Variants in SLC37A3 observed in about 807,000 individuals in gnomAD.
The protein encoded by SLC37A3 is sugar phosphate exchanger 3.
Under a neutral mutation model 67.1 loss-of-function variants are expected in SLC37A3, and 51 were observed. The observed-to-expected ratio is 0.76, with a 90% confidence interval of 0.61 to 0.96. The LOEUF (loss-of-function observed/expected upper bound fraction) is 0.96, where lower values mean the gene tolerates loss of function less well. SLC37A3 is among the 40% of genes least tolerant of loss of function. SLC37A3 has a pLI of 0.00. For synonymous variants in SLC37A3, 214 were observed against 231.4 expected, an observed-to-expected ratio of 0.92 and a Z score of 0.68; for missense variants, 508 against 603.0, an observed-to-expected ratio of 0.84 and a Z score of 1.65.
At chr7:140,335,531 T>G (rs781536766) in intron 14 of SLC37A3, 27 bp from the exon 15 acceptor site, 3 of 1,606,614 alleles carry the variant, frequency 1.9e-6, no homozygotes, top group Non-Finnish European at 2.5e-6. Context: ...GTATTAAATA[T>G]GCAGCAACAG....
chr7:140,345,104 T>G lies in SLC37A3; in HGVS notation c.1174+112A>C, dbSNP rs538601276. ...GCGTTTTTCCTTTTAAAATTTGAATTCTCTGTAATTAAGGTTTCGGTACTA... is the reference window on the plus strand; with the variant it reads ...GCGTTTTTCCTTTTAAAATTTGAATGCTCTGTAATTAAGGTTTCGGTACTA... On this transcript the variant is annotated intron_variant, in intron 12 of 14. Coordinates refer to ENST00000326232, the MANE Select transcript of SLC37A3 (RefSeq NM_207113.3). 27 of 921,726 alleles carry G rather than the reference T, an allele frequency of 2.9e-5. No homozygotes were observed. In the African/African-American group the frequency reaches 4.3e-4, roughly 15 times the overall value. 57.1% of individuals were successfully genotyped at this position (921,726 alleles called of 1,614,324 possible).
At position 140,358,198 on chromosome 7, in the gene SLC37A3, G is replaced by A. The variant is rs1393230486; in HGVS notation, c.521+442C>T. Among the ~76,000 whole-genome samples the A allele has an allele frequency of 3.3e-5, 5 of 152,070 alleles. No homozygotes were observed. The East Asian group carries it at 9.7e-4, about 29-fold the overall frequency. On this transcript the variant is annotated intron_variant, in intron 6 of 14. Transcript: ENST00000326232. ...TTAGAGCCCTTGTTACATGACCTTGGGCAGGTCAACATGAATAACCTTTGA... is the reference window on the plus strand; with the variant it reads ...TTAGAGCCCTTGTTACATGACCTTGAGCAGGTCAACATGAATAACCTTTGA...
intron 3 of SLC37A3, chr7:140,379,171 T>A (rs1276517054): frequency 2.0e-5 from 3 of 150,568 alleles, no homozygotes; most frequent in Non-Finnish European, 4.4e-5. Flanking sequence ...TACAAAAAAA[T>A]TTAAATTAAA....
rs1449170199 is a variant in SLC37A3, at chr7:140,335,049, C to G, written c.*363G>C. The G allele has an allele frequency of 1.6e-6, 1 of 624,024 alleles. No individual in the cohort carries two copies. Among genetic ancestry groups the G allele is most frequent in the Admixed American group, 3.1e-5 (1 of 32,492 alleles). The allele number at this position is 624,024 out of a possible 1,614,324, so 38.7% of individuals were successfully genotyped here. On this transcript the variant is annotated 3_prime_UTR_variant, in exon 15 of 15. Transcript: ENST00000326232. ...ACCACGCGTGGCTTTGCCTCCTGTT[C>G]ACTCCATTTTCAAGGCTAGAGAAAG...
At position 140,356,388 on chromosome 7, in the gene SLC37A3, A is replaced by G. The variant is rs377534089; in HGVS notation, c.522-624T>C. ...AAAAAATATACAAAGAAGCACACGA[A>G]AAAACACTCAAGTGGCCAGGCGAGG... On this transcript the variant is annotated intron_variant, in intron 6 of 14. Transcript: ENST00000326232. 1.8e-3 allele frequency among the ~76,000 whole-genome samples: 273 copies of G among 152,256 alleles called. 1 individual carries two copies. Among genetic ancestry groups the G allele is most frequent in the African/African-American group, 6.0e-3 (251 of 41,550 alleles).
At position 140,377,860 on chromosome 7, in the gene SLC37A3, C is replaced by T. The variant is rs547473399; in HGVS notation, c.198+2422G>A. Among the ~76,000 whole-genome samples the T allele has an allele frequency of 1.5e-4, 23 of 152,070 alleles. 1 individual carries two copies. The highest frequency in any genetic ancestry group is 4.6e-4 in the African/African-American group (19 of 41,508). On this transcript the variant is annotated intron_variant, in intron 3 of 14. Coordinates refer to ENST00000326232, the MANE Select transcript of SLC37A3 (RefSeq NM_207113.3). ...GGCCTGGGCAACATAGCAAGAGCCCCGTCTCTTAAAAAATAATTTAAAAAA... is the reference window on the plus strand; with the variant it reads ...GGCCTGGGCAACATAGCAAGAGCCCTGTCTCTTAAAAAATAATTTAAAAAA...
Position 140,387,196 on chromosome 7 carries a change from C to T in SLC37A3, c.-70-4600G>A, listed in dbSNP as rs559609517. Among the ~76,000 whole-genome samples, 39 of 152,186 alleles carry T rather than the reference C, an allele frequency of 2.6e-4. 1 individual carries two copies. The East Asian group carries it at 5.6e-3, about 22-fold the overall frequency. On this transcript the variant is annotated intron_variant, in intron 1 of 14. Transcript: ENST00000326232. ...GTCACCGGTAGGGCACAGTGGCTCA[C>T]AGTGGCTCACAGGCCTGTAATATCA...
chr7:140,346,874 G>C (rs1400877346), intron 10 of SLC37A3, among the ~76,000 whole-genome samples: 11 of 151,974 alleles, frequency 7.2e-5, no homozygotes, highest in Admixed American at 7.2e-4. Context: ...GGAGGCTGAG[G>C]CTACAGTGAG....
Position 140,364,400 on chromosome 7 carries a change from C to A in SLC37A3, c.375+8G>T. ...CCAAAATAATAATAATAAGACCTTT[C>A]AACTTACCACTAATGCAGAAGAGCA... On this transcript the variant is annotated splice_region_variant and intron_variant, in intron 5 of 14. Coordinates refer to ENST00000326232, the MANE Select transcript of SLC37A3 (RefSeq NM_207113.3). 1 of 1,611,772 alleles carries A rather than the reference C, an allele frequency of 6.2e-7. No individual in the cohort carries two copies. The highest frequency in any genetic ancestry group is 8.5e-7 in the Non-Finnish European group (1 of 1,178,940).
intron 1 of SLC37A3, among the ~76,000 whole-genome samples, chr7:140,391,200 T>C (rs905895457): frequency 2.0e-5 from 3 of 152,242 alleles, no homozygotes; most frequent in African/African-American, 4.8e-5. Flanking sequence ...CCCAGATTCA[T>C]GGCTCTAACT....
intron 3 of SLC37A3, chr7:140,379,415 C>A (rs1461881047): frequency 6.7e-6 from 1 of 150,008 alleles, no homozygotes; most frequent in East Asian, 2.0e-4. Flanking sequence ...GCGGAGCTTG[C>A]AGTGAGCTGA....
intron 6 of SLC37A3, among the ~76,000 whole-genome samples, chr7:140,356,684 A>T (rs908441519): frequency 6.6e-6 from 1 of 152,128 alleles, no homozygotes; most frequent in African/African-American, 2.4e-5. Flanking sequence ...CCCTGTTTCA[A>T]AAGCAAAACA....
chr7:140,349,614 C>T (rs986806491), intron 9 of SLC37A3, among the ~76,000 whole-genome samples: 2 of 152,126 alleles, frequency 1.3e-5, no homozygotes, highest in Admixed American at 1.3e-4. Flanking sequence ...GCCAGTTATT[C>T]CCTAGGTATC....
intron 3 of SLC37A3, among the ~76,000 whole-genome samples, chr7:140,375,005 G>A (rs919506479): frequency 6.6e-6 from 1 of 151,898 alleles, no homozygotes; most frequent in African/African-American, 2.4e-5. Flanking sequence ...AATTAGCCAG[G>A]TGTGGTGGCA....
intron 3 of SLC37A3, 102 bp from the exon 4 acceptor site, chr7:140,369,784 T>C (rs757957033): frequency 6.4e-5 from 55 of 856,960 alleles, no homozygotes; most frequent in Non-Finnish European, 1.0e-4. Flanking sequence ...CCAGTAATGC[T>C]CAAGAACAAC....
chr7:140,368,382 A>G (rs923416915), intron 4 of SLC37A3, among the ~76,000 whole-genome samples: 8 of 152,020 alleles, frequency 5.3e-5, no homozygotes, highest in Non-Finnish European at 8.8e-5. Flanking sequence ...CCTGACCAAC[A>G]TGGAGAAACT....
chr7:140,383,985 C>T (rs968397405), intron 1 of SLC37A3, among the ~76,000 whole-genome samples: 2 of 152,096 alleles, frequency 1.3e-5, no homozygotes, highest in Non-Finnish European at 2.9e-5. Context: ...GCCCCAATGC[C>T]TTTTCATTTG....
chr7:140,384,210 T>C (rs1798361651), intron 1 of SLC37A3, among the ~76,000 whole-genome samples: 1 of 152,124 alleles, frequency 6.6e-6, no homozygotes, highest in East Asian at 1.9e-4. Context: ...TGAGAAAATG[T>C]CAAGTGAAAA....
intron 3 of SLC37A3, among the ~76,000 whole-genome samples, chr7:140,375,909 A>G (rs1480669833): frequency 2.0e-5 from 3 of 152,212 alleles, no homozygotes; most frequent in Non-Finnish European, 4.4e-5. Context: ...AATGTCTTCA[A>G]TTAGAGTGAC....
Sources: gnomAD v4.1 joint callset for allele counts (sites outside exome capture counted in the v4.1 genomes callset) on GRCh38, gnomAD v4.1.1 for gene constraint, MANE v1.5 for transcripts, NCBI Gene and HGNC (gene_info 2026-07-23, HGNC 2026-07-21) for gene names.